Variants in CHUK observed in about 807,000 individuals in gnomAD.
CHUK encodes the protein inhibitor of nuclear factor kappa-B kinase subunit alpha.
A neutral mutation model predicts 104.8 loss-of-function variants in CHUK; 35 were observed. The ratio of observed to expected loss-of-function variants is 0.33; its 90% CI spans 0.26 to 0.44. CHUK has a LOEUF of 0.44. CHUK is among the 20% of genes least tolerant of loss of function. CHUK has a pLI of 1.00. For synonymous variants in CHUK, 276 were observed against 291.9 expected (o/e 0.95, Z 0.56); for missense variants, 663 against 902.7 (o/e 0.73, Z 3.40).
intron 12 of CHUK, 55 bp downstream of exon 12, chr10:100,205,021 T>C: frequency 6.2e-7 from 1 of 1,603,958 alleles, no homozygotes; most frequent in Non-Finnish European, 8.5e-7. Context: ...CAAGATTAAT[T>C]CTTGAGTATA....
At chr10:100,217,625 A>T (rs1484779412) in intron 9 of CHUK, among the ~76,000 whole-genome samples, 1 of 152,232 alleles carries the variant, frequency 6.6e-6, no homozygotes, top group Non-Finnish European at 1.5e-5. Flanking sequence ...CACGCCTGTA[A>T]TCCCACTTTG....
rs768092119 is a variant in CHUK at position 100,222,124 on chromosome 10, G to C, written c.373C>G (p.Leu125Val). The change falls in exon 4 of 21, where the codon CTA (leucine) becomes GTA (valine). Residue 125 changes from leucine (L) to valine (V), a missense_variant. Coordinates refer to ENST00000370397, the MANE Select transcript of CHUK (RefSeq NM_001278.5). Reference sequence around the variant, plus strand: ...TACTGATACGTACCTATATCACTTAGTAAAGAAAGTATCTGGCTTTCTTTA... The same window carrying C: ...TACTGATACGTACCTATATCACTTACTAAAGAAAGTATCTGGCTTTCTTTA... Reference protein sequence around the residue: ...GLKESQILSLLSDIGSGIRYL... With the variant: ...GLKESQILSLVSDIGSGIRYL... The C allele has an allele frequency of 6.4e-7, 1 of 1,553,326 alleles. No homozygotes were observed. The highest frequency in any genetic ancestry group is 1.1e-5 in the South Asian group (1 of 89,776).
intron 8 of CHUK, 35 bp downstream of exon 8, chr10:100,218,683 A>T: frequency 7.3e-7 from 1 of 1,372,780 alleles, no homozygotes; most frequent in South Asian, 1.2e-5. Flanking sequence ...CTCTGGAGAA[A>T]CTGAGGCAAA....
chr10:100,219,565 G>T lies in CHUK; in HGVS notation c.475-206C>A, dbSNP rs192953326. On this transcript the variant is annotated intron_variant, in intron 5 of 20. Transcript: ENST00000370397. Reference sequence around the variant, plus strand: ...TTAACCTCTCTCAGTAATCTAATTGGATGACTAACAGTCCCTGCTTCACAG... The same window carrying T: ...TTAACCTCTCTCAGTAATCTAATTGTATGACTAACAGTCCCTGCTTCACAG... 1.1e-4 allele frequency among the ~76,000 whole-genome samples: 17 copies of T among 152,244 alleles called. No individual in the cohort carries two copies. In the East Asian group the frequency reaches 3.1e-3, roughly 28 times the overall value.
In CHUK at chr10:100,219,020, T is replaced by G. The variant is rs369262180; in HGVS notation, c.677A>C (p.Gln226Pro). 163 of 1,614,000 alleles carry G rather than the reference T, an allele frequency of 1.0e-4. No homozygotes were observed. The highest frequency in any genetic ancestry group is 1.3e-4 in the Non-Finnish European group (154 of 1,179,970). ...AGYRPFLHHL[Q>P]PFTWHEKIKK... ...ATCCATTTCTTACCAGGTAAATGGC[T>G]GCAGATGATGCAAAAAAGGCCTATA... The change falls in exon 7 of 21, where the codon CAG (glutamine) becomes CCG (proline). Residue 226 changes from glutamine to proline, a missense_variant. Gln to Pro is a moderately conservative substitution (Grantham distance 76). Transcript: ENST00000370397.
At chr10:100,204,840 G>T (rs1589584616) in intron 12 of CHUK, among the ~76,000 whole-genome samples, 183 bp from the exon 13 acceptor site, 2 of 152,092 alleles carry the variant, frequency 1.3e-5, no homozygotes, top group African/African-American at 4.8e-5. Context: ...ATAATATTTT[G>T]TGATAAACAA....
At position 100,193,347 on chromosome 10, in the gene CHUK, A is replaced by C. The variant is rs1845247268; in HGVS notation, c.2059T>G (p.Ser687Ala). 1 of 1,614,010 alleles carries C rather than the reference A, an allele frequency of 6.2e-7. No individual in the cohort carries two copies. The highest frequency in any genetic ancestry group is 8.5e-7 in the Non-Finnish European group (1 of 1,180,010). Residue 687 changes from serine (S) to alanine (A), a missense_variant, in exon 19 of 21, where the codon TCA (serine) becomes GCA (alanine). Physicochemically the swap from Ser to Ala is moderately conservative, Grantham distance 99. Transcript: ENST00000370397. Reference sequence around the variant, plus strand: ...GACAGAGAATGATCATGTTCTGCTGAAGTCGGGGGCAGCCATGCTGATGTC... The same window carrying C: ...GACAGAGAATGATCATGTTCTGCTGCAGTCGGGGGCAGCCATGCTGATGTC... ...PQTSAWLPPT[S>A]AEHDHSLSCV...
intron 16 of CHUK, 117 bp downstream of exon 16, chr10:100,199,854 A>C: frequency 3.8e-6 from 3 of 789,638 alleles, no homozygotes; most frequent in Non-Finnish European, 6.8e-6. Flanking sequence ...CCAAAACTGG[A>C]ATTTATTCTG....
chr10:100,197,492 G>A (rs1388343992), intron 16 of CHUK, among the ~76,000 whole-genome samples: 2 of 151,956 alleles, frequency 1.3e-5, no homozygotes, highest in African/African-American at 4.8e-5. Flanking sequence ...GAACCCCAAA[G>A]GGTTTTTCAG....
rs577912852 is a variant in CHUK at position 100,196,689 on chromosome 10, C to A, written c.1730-2168G>T. ...GCGCTAGTATCACAGGTATGAGCCA[C>A]CTGGCCTGGATTCTTAATGAATGTT... On this transcript the variant is annotated intron_variant, in intron 16 of 20. Coordinates refer to ENST00000370397, the MANE Select transcript of CHUK (RefSeq NM_001278.5). Among the ~76,000 whole-genome samples, 5 of 152,286 alleles carry A rather than the reference C, an allele frequency of 3.3e-5. No homozygotes were observed. The South Asian group carries it at 1.0e-3, about 32-fold the overall frequency.
chr10:100,221,885 C>T (rs1403328578), intron 4 of CHUK, among the ~76,000 whole-genome samples: 2 of 152,190 alleles, frequency 1.3e-5, no homozygotes, highest in African/African-American at 2.4e-5. Flanking sequence ...ATCCGCCTAC[C>T]TTGGCCTCCC....
intron 20 of CHUK, 37 bp downstream of exon 20, chr10:100,190,832 T>C (rs1172826825): frequency 1.3e-5 from 15 of 1,196,152 alleles, no homozygotes; most frequent in Non-Finnish European, 1.8e-5. Context: ...GCACCCAACA[T>C]AGCCAAAGCA....
intron 19 of CHUK, chr10:100,192,460 T>C: frequency 3.4e-6 from 1 of 291,234 alleles, no homozygotes; most frequent in Non-Finnish European, 5.1e-6. Context: ...ATAAAATACC[T>C]GATATCAGCT....
chr10:100,222,597 T>C (rs1846016148), intron 3 of CHUK, among the ~76,000 whole-genome samples: 1 of 152,144 alleles, frequency 6.6e-6, no homozygotes, highest in Admixed American at 6.6e-5. Context: ...GAGTCAACAT[T>C]TTCTGTAAGG....
At chr10:100,218,936 A>G (rs1845923461) in intron 7 of CHUK, 72 bp downstream of exon 7, 1 of 1,575,454 alleles carries the variant, frequency 6.3e-7, no homozygotes, top group Admixed American at 1.7e-5. Flanking sequence ...ACAATTAAAG[A>G]AAGAAAAAAA....
At chr10:100,205,996 C>T (rs1399647527) in intron 11 of CHUK, among the ~76,000 whole-genome samples, 1 of 152,132 alleles carries the variant, frequency 6.6e-6, no homozygotes, top group Non-Finnish European at 1.5e-5. Context: ...AAATACTTGA[C>T]TAGTATTCCT....
At chr10:100,219,454 G>A in intron 5 of CHUK, 95 bp from the exon 6 acceptor site, 1 of 767,854 alleles carries the variant, frequency 1.3e-6, no homozygotes, top group East Asian at 2.6e-5. Flanking sequence ...CAGGGTAGTG[G>A]TGAGGACCTT....
At chr10:100,198,002 C>T (rs541464150) in intron 16 of CHUK, among the ~76,000 whole-genome samples, 120 of 152,294 alleles carry the variant, frequency 7.9e-4, no homozygotes, top group African/African-American at 2.8e-3. Flanking sequence ...AGCTGTCATT[C>T]CAGCTGGTAA....
At chr10:100,216,154 A>G (rs750565146) in intron 9 of CHUK, among the ~76,000 whole-genome samples, 2 of 152,228 alleles carry the variant, frequency 1.3e-5, no homozygotes, top group Non-Finnish European at 2.9e-5. Context: ...CCCTATAACA[A>G]GAGGCTCACA....
Sources: allele counts gnomAD v4.1 joint callset (sites outside exome capture counted in the v4.1 genomes callset), GRCh38; gene constraint gnomAD v4.1.1; transcripts MANE v1.5; gene names NCBI Gene and HGNC (gene_info 2026-07-23, HGNC 2026-07-21).